TMEM273: variants seen among roughly 807,000 people sequenced by gnomAD.
The protein encoded by TMEM273 is transmembrane protein 273.
A neutral mutation model predicts 17.9 loss-of-function variants in TMEM273; 19 were observed. The ratio of observed to expected loss-of-function variants is 1.06; its 90% CI spans 0.74 to 1.55. The LOEUF (loss-of-function observed/expected upper bound fraction) is 1.55. TMEM273 is among the 40% of genes most tolerant of loss of function. The pLI is 0.00. For synonymous variants in TMEM273, 66 were observed against 62.0 expected (o/e 1.07, Z -0.31); for missense variants, 194 against 155.6 (o/e 1.25, Z -1.31).
In TMEM273 at chr10:49,166,850, C is replaced by T. The variant is rs368180537; in HGVS notation, c.238+19G>A. On this transcript the variant is annotated intron_variant, in intron 3 of 6. Coordinates refer to ENST00000374153, the MANE Select transcript of TMEM273 (RefSeq NM_001288740.3). ...TCGCTGGGTGGGGCAGAGCCAGGCC[C>T]GAGCACCACATCCCTCACCACTGAG... The T allele has an allele frequency of 6.6e-5, 107 of 1,612,630 alleles. No homozygotes were observed. The highest frequency in any genetic ancestry group is 8.0e-5 in the Non-Finnish European group (94 of 1,179,926).
At chr10:49,186,093 GAAGA>G (rs1564652274) in intron 1 of TMEM273, among the ~76,000 whole-genome samples, 6 of 149,140 alleles carry the variant, frequency 4.0e-5, no homozygotes, top group Middle Eastern at 3.5e-3. Flanking sequence ...AGAAGAAGAA[GAAGA>G]AGAAGAAGAA....
intron 1 of TMEM273, among the ~76,000 whole-genome samples, chr10:49,183,661 A>G (rs1033749791): frequency 1.3e-5 from 2 of 152,124 alleles, no homozygotes; most frequent in Non-Finnish European, 2.9e-5. Context: ...TGGGCCACTC[A>G]CCTGCTACTT....
In TMEM273 at chr10:49,155,754, A is replaced by G; in HGVS notation, c.*138T>C. ...CACTGTATATTCTATTCCTTCTATTATTTGCCTCCAATATTCAGTCCATGT... is the reference window on the plus strand; with the variant it reads ...CACTGTATATTCTATTCCTTCTATTGTTTGCCTCCAATATTCAGTCCATGT... On this transcript the variant is annotated 3_prime_UTR_variant, in exon 7 of 7. Coordinates refer to ENST00000374153, the MANE Select transcript of TMEM273 (RefSeq NM_001288740.3). The G allele has an allele frequency of 8.4e-7, 1 of 1,187,712 alleles. No individual in the cohort carries two copies. The highest frequency in any genetic ancestry group is 1.2e-6 in the Non-Finnish European group (1 of 816,038). 73.6% of individuals were successfully genotyped at this position (1,187,712 alleles called of 1,614,324 possible).
chr10:49,167,806 A>G, intron 2 of TMEM273, 103 bp downstream of exon 2: 1 of 1,464,948 alleles, frequency 6.8e-7, no homozygotes, highest in Non-Finnish European at 9.5e-7. Context: ...CTATGCTGAC[A>G]GCAGGGAACC....
chr10:49,186,110 G>GAAGAA (rs59346438), intron 1 of TMEM273, among the ~76,000 whole-genome samples: 4,919 of 83,016 alleles, frequency 0.059, 184 homozygotes, highest in Admixed American at 0.11. Context: ...AAGAAGAAGA[G>GAAGAA]GAAGAAGAAG....
At chr10:49,178,706 C>T (rs1283966701) in intron 1 of TMEM273, among the ~76,000 whole-genome samples, 1 of 152,202 alleles carries the variant, frequency 6.6e-6, no homozygotes, top group East Asian at 1.9e-4. Flanking sequence ...GGAAGCCTTC[C>T]TGGATACTCT....
intron 6 of TMEM273, among the ~76,000 whole-genome samples, chr10:49,156,847 T>C (rs1488631135): frequency 6.6e-6 from 1 of 152,128 alleles, no homozygotes; most frequent in Non-Finnish European, 1.5e-5. Flanking sequence ...GAACCAACGT[T>C]AAAGACAAGA....
At chr10:49,170,358 C>A (rs975830239) in intron 1 of TMEM273, among the ~76,000 whole-genome samples, 4 of 152,146 alleles carry the variant, frequency 2.6e-5, no homozygotes, top group Non-Finnish European at 5.9e-5. Context: ...ACTTCACCCC[C>A]CAAATGTGTT....
intron 6 of TMEM273, among the ~76,000 whole-genome samples, chr10:49,156,499 G>A (rs1045915346): frequency 6.6e-6 from 1 of 152,198 alleles, no homozygotes; most frequent in South Asian, 2.1e-4. Context: ...ACCCTGCGAA[G>A]GGCCTCACTT....
At chr10:49,161,438 TG>T in intron 6 of TMEM273, 160 bp downstream of exon 6, 1 of 791,140 alleles carries the variant, frequency 1.3e-6, no homozygotes, top group Non-Finnish European at 2.1e-6. Context: ...TGCTGATTCC[TG>T]GTCTCACAGC....
At chr10:49,174,149 G>C (rs1846784012) in intron 1 of TMEM273, among the ~76,000 whole-genome samples, 1 of 152,198 alleles carries the variant, frequency 6.6e-6, no homozygotes. Flanking sequence ...TTTATCCTGT[G>C]CTACCCTGCA....
In TMEM273 at chr10:49,156,423, G is replaced by A. The variant is rs1986724; in HGVS notation, c.373-514C>T. Among the ~76,000 whole-genome samples the A allele has an allele frequency of 4.2e-3, 636 of 152,312 alleles. 4 individuals carry two copies. The highest frequency in any genetic ancestry group is 0.014 in the African/African-American group (585 of 41,554). Reference sequence around the variant, plus strand: ...AGGTGTCTAAAAAAGGGGAAACATGGAAGAGAAGATGAGTCAACAAACCAG... The same window carrying A: ...AGGTGTCTAAAAAAGGGGAAACATGAAAGAGAAGATGAGTCAACAAACCAG... On this transcript the variant is annotated intron_variant, in intron 6 of 6. Coordinates refer to ENST00000374153, the MANE Select transcript of TMEM273 (RefSeq NM_001288740.3).
intron 1 of TMEM273, among the ~76,000 whole-genome samples, chr10:49,174,927 G>A (rs573503521): frequency 1.4e-4 from 21 of 152,284 alleles, no homozygotes; most frequent in Admixed American, 8.5e-4. Flanking sequence ...ATGCGTGAAA[G>A]TACAGTGATT....
Position 49,178,514 on chromosome 10 carries a change from T to C in TMEM273, c.43+9780A>G, listed in dbSNP as rs181243815. On this transcript the variant is annotated intron_variant, in intron 1 of 6. Transcript: ENST00000374153. ...GATGACATGTGAGGAGGCTGGACAG[T>C]AACCTGATGGATGTTCCCTGAGACC... The C allele has an allele frequency of 5.9e-5, 19 of 322,246 alleles. No individual in the cohort carries two copies. In the East Asian group the frequency reaches 1.3e-3, roughly 23 times the overall value. 20.0% of individuals were successfully genotyped at this position (322,246 alleles called of 1,614,324 possible).
intron 1 of TMEM273, among the ~76,000 whole-genome samples, chr10:49,181,231 G>A (rs569732441): frequency 1.2e-4 from 18 of 152,070 alleles, no homozygotes; most frequent in Non-Finnish European, 2.1e-4. Context: ...TTAATAAATG[G>A]AGACACATAC....
chr10:49,177,793 T>C (rs1847082290), intron 1 of TMEM273, among the ~76,000 whole-genome samples: 1 of 152,208 alleles, frequency 6.6e-6, no homozygotes, highest in African/African-American at 2.4e-5. Flanking sequence ...CAGCCCTCCT[T>C]GCCACACAGC....
chr10:49,177,887 G>A (rs1215421178), intron 1 of TMEM273, among the ~76,000 whole-genome samples: 2 of 152,172 alleles, frequency 1.3e-5, no homozygotes, highest in African/African-American at 4.8e-5. Flanking sequence ...AGTTTACTCA[G>A]CCACACACCT....
At position 49,178,231 on chromosome 10, in the gene TMEM273, C is replaced by G. The variant is rs182061208; in HGVS notation, c.43+10063G>C. The G allele has an allele frequency of 4.8e-5, 22 of 457,382 alleles. No individual in the cohort carries two copies. In the East Asian group the frequency reaches 5.6e-4, roughly 12 times the overall value. 28.3% of individuals were successfully genotyped at this position (457,382 alleles called of 1,614,324 possible). On this transcript the variant is annotated intron_variant, in intron 1 of 6. Transcript: ENST00000374153. The stretch of plus-strand genomic sequence containing the variant: ...GCACAACCCCTGTAGTCCATGCTGC[C>G]CTTGCCCGGGGCCTCAGCAGAGGCT...
chr10:49,179,313 G>A (rs940126438), intron 1 of TMEM273, among the ~76,000 whole-genome samples: 1 of 152,200 alleles, frequency 6.6e-6, no homozygotes, highest in Non-Finnish European at 1.5e-5. Flanking sequence ...CGGCTTTATA[G>A]CCGCCCAGCT....
Sources: allele counts gnomAD v4.1 joint callset (sites outside exome capture counted in the v4.1 genomes callset), GRCh38; gene constraint gnomAD v4.1.1; transcripts MANE v1.5; gene names NCBI Gene and HGNC (gene_info 2026-07-23, HGNC 2026-07-21).